THSD4: variants seen among roughly 807,000 people sequenced by gnomAD.
THSD4 encodes thrombospondin type-1 domain-containing protein 4.
Under a neutral mutation model 119.0 loss-of-function variants are expected in THSD4, and 69 were observed. That is an observed-to-expected ratio of 0.58 (90% CI 0.48 to 0.71). THSD4 has a LOEUF of 0.71. Ranked by LOEUF, THSD4 falls within the 30% of genes least tolerant of loss-of-function variation. THSD4 has a pLI of 0.00. For synonymous variants in THSD4, 524 were observed against 540.4 expected, an observed-to-expected ratio of 0.97 and a Z score of 0.42; for missense variants, 1,393 against 1,391.1, an observed-to-expected ratio of 1.00 and a Z score of -0.02.
At chr15:71,583,553 T>C (rs2049599822) in intron 7 of THSD4, among the ~76,000 whole-genome samples, 1 of 147,924 alleles carries the variant, frequency 6.8e-6, no homozygotes, top group African/African-American at 2.5e-5. Flanking sequence ...TAAACTTTCC[T>C]CTTAGAACTG....
chr15:71,580,315 C>T (rs2049534365), intron 7 of THSD4, among the ~76,000 whole-genome samples: 1 of 152,040 alleles, frequency 6.6e-6, no homozygotes, highest in Admixed American at 6.6e-5. Flanking sequence ...CGGTTAGGCT[C>T]CAGAGTCTAA....
chr15:71,741,805 G>A (rs947258351), intron 11 of THSD4, among the ~76,000 whole-genome samples: 16 of 152,110 alleles, frequency 1.1e-4, no homozygotes, highest in African/African-American at 3.9e-4. Flanking sequence ...CAGTTCTCAG[G>A]CCCAAGAGAT....
At chr15:71,767,777 G>C (rs763750111) in intron 16 of THSD4, 1 of 152,208 alleles carries the variant, frequency 6.6e-6, no homozygotes, top group Non-Finnish European at 1.5e-5. Context: ...GCCGCTTCCA[G>C]ATCTGGGGCA....
intron 7 of THSD4, among the ~76,000 whole-genome samples, chr15:71,514,977 A>T (rs2048336825): frequency 6.6e-6 from 1 of 152,202 alleles, no homozygotes; most frequent in Admixed American, 6.5e-5. Flanking sequence ...ACTACCCCCT[A>T]CAAGAGAACA....
At chr15:71,276,744 T>C (rs2044594822) in intron 6 of THSD4, among the ~76,000 whole-genome samples, 1 of 152,258 alleles carries the variant, frequency 6.6e-6, no homozygotes, top group African/African-American at 2.4e-5. Flanking sequence ...ATGCATTCTT[T>C]AATGGCAGGG....
intron 2 of THSD4, among the ~76,000 whole-genome samples, chr15:71,153,832 A>C (rs2040749722): frequency 6.6e-6 from 1 of 152,220 alleles, no homozygotes; most frequent in Admixed American, 6.5e-5. Flanking sequence ...GCCTTATTGC[A>C]GGGATGCTTA....
intron 7 of THSD4, among the ~76,000 whole-genome samples, chr15:71,423,981 C>T (rs1485396039): frequency 1.3e-5 from 2 of 152,230 alleles, no homozygotes; most frequent in East Asian, 1.9e-4. Flanking sequence ...AATACAAAGT[C>T]CCACATCACT....
intron 6 of THSD4, among the ~76,000 whole-genome samples, chr15:71,309,178 G>C (rs1049750536): frequency 3.3e-5 from 5 of 152,158 alleles, no homozygotes; most frequent in African/African-American, 9.7e-5. Context: ...TTGAACTCCT[G>C]AGCTCAGGCA....
intron 7 of THSD4, among the ~76,000 whole-genome samples, chr15:71,465,413 G>A (rs1410596323): frequency 6.6e-6 from 1 of 152,116 alleles, no homozygotes; most frequent in Non-Finnish European, 1.5e-5. Context: ...GCAGAGAAAA[G>A]GCAGGATTTA....
intron 6 of THSD4, among the ~76,000 whole-genome samples, chr15:71,391,603 G>A (rs533197379): frequency 4.6e-5 from 7 of 152,330 alleles, no homozygotes; most frequent in African/African-American, 7.2e-5. Flanking sequence ...TTTATGTTCC[G>A]TGTCAGAGGA....
At chr15:71,312,471 A>T (rs868695474) in intron 6 of THSD4, among the ~76,000 whole-genome samples, 1 of 152,132 alleles carries the variant, frequency 6.6e-6, no homozygotes, top group Non-Finnish European at 1.5e-5. Context: ...GCATATGCAC[A>T]TCTGTGAGCT....
chr15:71,373,304 T>C (rs990924153), intron 6 of THSD4, among the ~76,000 whole-genome samples: 2 of 152,236 alleles, frequency 1.3e-5, no homozygotes, highest in Admixed American at 1.3e-4. Context: ...TGTAGTGAAT[T>C]TTGTATTATG....
chr15:71,659,056 C>T (rs2051245557), intron 7 of THSD4, among the ~76,000 whole-genome samples: 1 of 152,194 alleles, frequency 6.6e-6, no homozygotes, highest in African/African-American at 2.4e-5. Flanking sequence ...TGGACTTTGA[C>T]TGGTTTGCTG....
In THSD4 at chr15:71,297,381, A is replaced by G. The variant is rs140626941; in HGVS notation, c.1015+40666A>G. On this transcript the variant is annotated intron_variant, in intron 6 of 17. Coordinates refer to ENST00000261862, the MANE Select transcript of THSD4 (RefSeq NM_024817.3). ...GACGGAATCTCGCTCTGTAACCCAG[A>G]CTGGAGTGCAGTGGCGCAATCTCAG... Among the ~76,000 whole-genome samples, 47 of 146,564 alleles carry G rather than the reference A, an allele frequency of 3.2e-4. No individual in the cohort carries two copies. In the East Asian group the frequency reaches 7.5e-3, roughly 23 times the overall value.
rs577591118 is a variant in THSD4 at position 71,600,034 on chromosome 15, A to G, written c.1153-60496A>G. ...TTATGACTCCATCTGGTGAAAGCCTATTTCACTTTCCTTCCAAAGTGACTG... is the reference window on the plus strand; with the variant it reads ...TTATGACTCCATCTGGTGAAAGCCTGTTTCACTTTCCTTCCAAAGTGACTG... On this transcript the variant is annotated intron_variant, in intron 7 of 17. Coordinates refer to ENST00000261862, the MANE Select transcript of THSD4 (RefSeq NM_024817.3). Among the ~76,000 whole-genome samples, 5 of 152,324 alleles carry G rather than the reference A, an allele frequency of 3.3e-5. No individual in the cohort carries two copies. In the South Asian group the frequency reaches 1.0e-3, roughly 32 times the overall value.
rs578094129 is a variant in THSD4 at position 71,243,084 on chromosome 15, G to A, written c.900G>A (p.Leu300=). Residue 300 remains leucine, a synonymous_variant, in exon 5 of 18, where the codon CTG becomes CTA. Transcript: ENST00000261862. ...SCIGAYRQYK[L]CNTNVCPESS... ...TCGGGGCCTATCGGCAGTACAAGCT[G>A]TGCAACACCAACGTGAGTACACACA... 6 of 1,612,782 alleles carry A rather than the reference G, an allele frequency of 3.7e-6. No homozygotes were observed. In the East Asian group the frequency reaches 1.3e-4, roughly 36 times the overall value.
intron 1 of THSD4, among the ~76,000 whole-genome samples, chr15:71,121,207 C>T (rs893898912): frequency 6.6e-6 from 1 of 152,132 alleles, no homozygotes; most frequent in Non-Finnish European, 1.5e-5. Flanking sequence ...AGGAGGAGAG[C>T]ACTCTGGAGC....
intron 8 of THSD4, among the ~76,000 whole-genome samples, chr15:71,704,238 T>G (rs1296238772): frequency 1.3e-5 from 2 of 152,246 alleles, no homozygotes. Context: ...ACATGAAGAT[T>G]GCTAAGTGAC....
chr15:71,609,161 G>A (rs775092442), intron 7 of THSD4, among the ~76,000 whole-genome samples: 8 of 152,180 alleles, frequency 5.3e-5, no homozygotes, highest in Non-Finnish European at 1.2e-4. Context: ...ATGAACTGAA[G>A]ACTGGTAATG....
Sources: gnomAD v4.1 joint callset for allele counts (sites outside exome capture counted in the v4.1 genomes callset) on GRCh38, gnomAD v4.1.1 for gene constraint, MANE v1.5 for transcripts, NCBI Gene and HGNC (gene_info 2026-07-23, HGNC 2026-07-21) for gene names.